Variants in NR1D1 observed in about 807,000 individuals in gnomAD.
The protein encoded by NR1D1 is nuclear receptor subfamily 1 group D member 1.
A neutral mutation model predicts 51.1 loss-of-function variants in NR1D1; 17 were observed. The observed-to-expected ratio is 0.33, with a 90% confidence interval of 0.23 to 0.50. The LOEUF (loss-of-function observed/expected upper bound fraction) is 0.50. NR1D1 is among the 20% of genes least tolerant of loss of function. NR1D1 has a pLI of 0.98. For missense variants in NR1D1, 647 were observed against 830.4 expected (o/e 0.78, Z 2.71); for synonymous variants, 341 against 333.4 (o/e 1.02, Z -0.25).
rs776782996 is a variant in NR1D1 at position 40,093,774 on chromosome 17, A to G, written c.1645+138T>C. The G allele has an allele frequency of 1.6e-5, 12 of 752,582 alleles. No individual in the cohort carries two copies. The highest frequency in any genetic ancestry group is 2.6e-5 in the Non-Finnish European group (12 of 461,542). The allele number at this position is 752,582 out of a possible 1,614,324, so 46.6% of individuals were successfully genotyped here. On this transcript the variant is annotated intron_variant, in intron 7 of 7. Coordinates refer to ENST00000246672, the MANE Select transcript of NR1D1 (RefSeq NM_021724.5). This position sits in a 1 kb window ranked among gnomAD's most constrained non-coding sequence, Gnocchi z 5.9. Reference sequence around the variant, plus strand: ...TAGTCGGGCATGAGTCTGTTTCCCAAGCTAGACTGTGTCTGAATCATGTCT... The same window carrying G: ...TAGTCGGGCATGAGTCTGTTTCCCAGGCTAGACTGTGTCTGAATCATGTCT...
chr17:40,097,507 C>G (rs939842862), intron 1 of NR1D1, 104 bp from the exon 2 acceptor site: 58 of 853,366 alleles, frequency 6.8e-5, no homozygotes, highest in Admixed American at 1.9e-4. Flanking sequence ...TTGCTGGCCA[C>G]TCAGTTCACC....
In NR1D1 at chr17:40,095,482, T is replaced by A. The variant is rs773418769; in HGVS notation, c.1210A>T (p.Asn404Tyr). The A allele has an allele frequency of 1.7e-5, 26 of 1,547,218 alleles. No homozygotes were observed. In the South Asian group the frequency reaches 3.1e-4, roughly 18 times the overall value. Reference protein sequence around the residue: ...YAAPEGKAPANSPRQGNSKNV... With the variant: ...YAAPEGKAPAYSPRQGNSKNV... ...TTTGAGTTGCCCTGCCGGGGACTGT[T>A]GGCAGGTGCCTTGCCTTCTGGGGCT... The change falls in exon 5 of 8, where the codon AAC becomes TAC. Residue 404 changes from asparagine to tyrosine, a missense_variant. Asn to Tyr is a moderately radical substitution (Grantham distance 143, BLOSUM62 -2). Around this residue, in one of 7 missense-constraint regions of NR1D1, gnomAD observed 185 missense variants for 176.3 expected, o/e 1.05. Transcript: ENST00000246672.
At chr17:40,096,643 A>AG (rs1987769064) in intron 3 of NR1D1, 48 bp downstream of exon 3, 1 of 1,613,792 alleles carries the variant, frequency 6.2e-7, no homozygotes, top group Non-Finnish European at 8.5e-7. Flanking sequence ...CTCTGTGTCC[A>AG]GGGGGAGGGG....
chr17:40,099,177 G>A (rs1987825662), intron 1 of NR1D1, among the ~76,000 whole-genome samples: 1 of 152,132 alleles, frequency 6.6e-6, no homozygotes, highest in South Asian at 2.1e-4. Flanking sequence ...CCCCAACGAG[G>A]AACCCCGGAA....
rs200836420 is a variant in NR1D1 at position 40,095,022 on chromosome 17, C to T, written c.1347G>A (p.Glu449=). Residue 449 remains glutamate, a synonymous_variant, in exon 6 of 8, where the codon GAG becomes GAA. Transcript: ENST00000246672. ...FSMSFTPAVR[E]VVEFAKHIPG... ...GGATGTGTTTGGCAAACTCTACCAC[C>T]TCCCGCACAGCGGGCGTGAAGCTCA... 7 of 1,614,052 alleles carry T rather than the reference C, an allele frequency of 4.3e-6. No individual in the cohort carries two copies. Among genetic ancestry groups the T allele is most frequent in the African/African-American group, 4.0e-5 (3 of 74,958 alleles).
In NR1D1 at chr17:40,094,109, C is replaced by T. The variant is rs753922085; in HGVS notation, c.1448G>A (p.Arg483His). ...CTTCACGTTGAACAACGAAGCAAAG[C>T]GCACCATCAGCACCTAGGAGGGAAG... ...KAGTFEVLMV[R>H]FASLFNVKDQ... Residue 483 changes from arginine to histidine, a missense_variant, in exon 7 of 8, where the codon CGC becomes CAC. Arg to His is a conservative substitution (Grantham distance 29, BLOSUM62 0). This residue lies in a region of NR1D1 where 155 missense variants were observed against 236.8 expected (regional missense o/e 0.65). Coordinates refer to ENST00000246672, the MANE Select transcript of NR1D1 (RefSeq NM_021724.5). The T allele has an allele frequency of 6.8e-6, 11 of 1,613,820 alleles. No homozygotes were observed. In the East Asian group the frequency reaches 1.1e-4, roughly 16 times the overall value.
chr17:40,095,654 C>G lies in NR1D1; in HGVS notation c.1038G>C (p.Leu346Phe). ...CPPAPNDNNT[L>F]AAQRHNEALN... Reference sequence around the variant, plus strand: ...GGGCCTCGTTATGACGCTGGGCAGCCAAGGTGTTGTTGTCATTGGGGGCAG... The same window carrying G: ...GGGCCTCGTTATGACGCTGGGCAGCGAAGGTGTTGTTGTCATTGGGGGCAG... The change falls in exon 5 of 8, where the codon TTG becomes TTC. Residue 346 changes from leucine (L) to phenylalanine (F), a missense_variant. By Grantham distance (22) the Leu-to-Phe change is conservative (BLOSUM62 0). Transcript: ENST00000246672. 1 of 1,612,462 alleles carries G rather than the reference C, an allele frequency of 6.2e-7. No homozygotes were observed. Among genetic ancestry groups the G allele is most frequent in the South Asian group, 1.1e-5 (1 of 90,912 alleles).
In NR1D1 at chr17:40,096,604, G is replaced by A; in HGVS notation, c.460-17C>T. ...GAAAAAGCCCTGGAGGGCAGGGGTG[G>A]TTAGTGACCACCTCCATCATGGCTG... On this transcript the variant is annotated splice_polypyrimidine_tract_variant and intron_variant, in intron 3 of 7. Transcript: ENST00000246672. 6 of 1,613,822 alleles carry A rather than the reference G, an allele frequency of 3.7e-6. No individual in the cohort carries two copies. The highest frequency in any genetic ancestry group is 5.1e-6 in the Non-Finnish European group (6 of 1,179,658).
rs1341526666 is a variant in NR1D1 at position 40,093,345 on chromosome 17, T to A, written c.1646-63A>T. 6.2e-7 allele frequency: 1 copy of A among 1,612,460 alleles called. No individual in the cohort carries two copies. Among genetic ancestry groups the A allele is most frequent in the Admixed American group, 1.7e-5 (1 of 59,964 alleles). On this transcript the variant is annotated intron_variant, in intron 7 of 7. Transcript: ENST00000246672. The surrounding 1 kb of genome is among the most constrained non-coding windows in gnomAD (Gnocchi z 5.9). ...AGCTCCTCTGAGGAGGAACCGGAGGTCTGCGAGGACCTGGCAGGCAATGCA... is the reference window on the plus strand; with the variant it reads ...AGCTCCTCTGAGGAGGAACCGGAGGACTGCGAGGACCTGGCAGGCAATGCA...
Position 40,093,367 on chromosome 17 carries a change from T to G in NR1D1, c.1646-85A>C, listed in dbSNP as rs771068075. 3 of 1,611,212 alleles carry G rather than the reference T, an allele frequency of 1.9e-6. No homozygotes were observed. The highest frequency in any genetic ancestry group is 2.5e-6 in the Non-Finnish European group (3 of 1,178,976). On this transcript the variant is annotated intron_variant, in intron 7 of 7. Coordinates refer to ENST00000246672, the MANE Select transcript of NR1D1 (RefSeq NM_021724.5). The surrounding 1 kb of genome is among the most constrained non-coding windows in gnomAD (Gnocchi z 5.9). ...AGGTCTGCGAGGACCTGGCAGGCAA[T>G]GCAGCCTCTCCCTGAAGCCCCCCAG...
intron 6 of NR1D1, among the ~76,000 whole-genome samples, chr17:40,094,477 C>A (rs1466490713): frequency 6.6e-6 from 1 of 152,218 alleles, no homozygotes; most frequent in Non-Finnish European, 1.5e-5. Flanking sequence ...CAAGAGGAAG[C>A]AGCAGGAGCC....
rs1490401303 is a variant in NR1D1, at chr17:40,095,715, G to T, written c.977C>A (p.Thr326Asn). ...ANHASGSPPA[T>N]TPHRWENQGC... ...CTGATTTTCCCAGCGATGTGGGGTG[G>T]TGGCTGGAGGGCTACCTGATGCATG... Residue 326 changes from threonine to asparagine, a missense_variant, in exon 5 of 8, where the codon ACC becomes AAC. Physicochemically the swap from Thr to Asn is moderately conservative, Grantham distance 65. Transcript: ENST00000246672. The T allele has an allele frequency of 1.9e-6, 3 of 1,613,716 alleles. No individual in the cohort carries two copies. Among genetic ancestry groups the T allele is most frequent in the African/African-American group, 2.7e-5 (2 of 75,042 alleles).
intron 1 of NR1D1, among the ~76,000 whole-genome samples, chr17:40,099,269 C>A (rs1987827880): frequency 6.6e-6 from 1 of 152,198 alleles, no homozygotes; most frequent in African/African-American, 2.4e-5. Context: ...GCCACCAGGT[C>A]GTGGGCTGGA....
rs925504394 is a variant in NR1D1, at chr17:40,093,680, G to A, written c.1645+232C>T. 3.2e-6 allele frequency: 2 copies of A among 633,792 alleles called. No individual in the cohort carries two copies. The highest frequency in any genetic ancestry group is 2.9e-5 in the Admixed American group (1 of 33,970). The allele number at this position is 633,792 out of a possible 1,614,324, so 39.3% of individuals were successfully genotyped here. A position where few individuals can be genotyped will look rare whatever the true frequency, so the allele number is the denominator to read the frequency against. ...TCACCTCCTTCCCCAGCTCCCCCAG[G>A]CAGAAATAGTTGTCTGTGCTTCCTT... On this transcript the variant is annotated intron_variant, in intron 7 of 7. Coordinates refer to ENST00000246672, the MANE Select transcript of NR1D1 (RefSeq NM_021724.5). This position sits in a 1 kb window ranked among gnomAD's most constrained non-coding sequence, Gnocchi z 5.9.
chr17:40,093,054 G>C lies in NR1D1; in HGVS notation c.*29C>G. The C allele has an allele frequency of 6.2e-7, 1 of 1,614,142 alleles. No individual in the cohort carries two copies. The highest frequency in any genetic ancestry group is 8.5e-7 in the Non-Finnish European group (1 of 1,180,028). ...GTGCAGAGTTCGATTCTGTACAAGGGGGCAGCGGCAGAAGGCCGGCCGGGC... is the reference window on the plus strand; with the variant it reads ...GTGCAGAGTTCGATTCTGTACAAGGCGGCAGCGGCAGAAGGCCGGCCGGGC... On this transcript the variant is annotated 3_prime_UTR_variant, in exon 8 of 8. Transcript: ENST00000246672. The surrounding 1 kb of genome is among the most constrained non-coding windows in gnomAD (Gnocchi z 5.9).
intron 5 of NR1D1, 27 bp from the exon 6 acceptor site, chr17:40,095,147 G>A (rs199779133): frequency 6.2e-6 from 10 of 1,600,300 alleles, no homozygotes; most frequent in Middle Eastern, 1.9e-4. Flanking sequence ...TTGAAGGAGG[G>A]GAGTGTCAGC....
chr17:40,098,783 G>A (rs35102205), intron 1 of NR1D1, among the ~76,000 whole-genome samples: 1 of 152,220 alleles, frequency 6.6e-6, no homozygotes, highest in Non-Finnish European at 1.5e-5. Context: ...GTCTGGTGGA[G>A]ATGGGGGTAA....
In NR1D1 at chr17:40,095,511, T is replaced by C. The variant is rs1163618386; in HGVS notation, c.1181A>G (p.Tyr394Cys). 1.9e-6 allele frequency: 3 copies of C among 1,574,342 alleles called. No individual in the cohort carries two copies. The highest frequency in any genetic ancestry group is 1.4e-5 in the African/African-American group (1 of 73,832). The change falls in exon 5 of 8, where the codon TAT becomes TGT. Residue 394 changes from tyrosine (Y) to cysteine (C), a missense_variant. This residue lies in a region of NR1D1 where 185 missense variants were observed against 176.3 expected (regional missense o/e 1.05). Coordinates refer to ENST00000246672, the MANE Select transcript of NR1D1 (RefSeq NM_021724.5). ...NGHRLCPTHV[Y>C]AAPEGKAPAN... ...AGGTGCCTTGCCTTCTGGGGCTGCATACACGTGGGTGGGGCATAGACGGTG... is the reference window on the plus strand; with the variant it reads ...AGGTGCCTTGCCTTCTGGGGCTGCACACACGTGGGTGGGGCATAGACGGTG...
At chr17:40,094,852 C>A in intron 6 of NR1D1, 83 bp downstream of exon 6, 2 of 1,321,122 alleles carry the variant, frequency 1.5e-6, no homozygotes, top group Non-Finnish European at 2.1e-6. Flanking sequence ...GAGTGGAGAT[C>A]GCACCATTGC....
Sources: allele counts gnomAD v4.1 joint callset (sites outside exome capture counted in the v4.1 genomes callset), GRCh38; gene constraint gnomAD v4.1.1; regional missense constraint gnomAD v4.1.1; non-coding constraint Gnocchi (gnomAD v3.1); transcripts MANE v1.5; gene names NCBI Gene and HGNC (gene_info 2026-07-23, HGNC 2026-07-21).